The following ARHGEF18 variants were observed in gnomAD, a reference collection of about 807,000 sequenced individuals.
ARHGEF18 encodes the protein rho guanine nucleotide exchange factor 18.
ARHGEF18 carries 93 observed loss-of-function variants against 155.7 expected under a neutral mutation model. The ratio of observed to expected loss-of-function variants is 0.60; its 90% CI spans 0.50 to 0.71. The LOEUF (loss-of-function observed/expected upper bound fraction) is 0.71. Ranked by LOEUF, ARHGEF18 falls within the 30% of genes least tolerant of loss-of-function variation. The pLI, the probability that ARHGEF18 is intolerant of heterozygous loss-of-function variation, is 0.00. For missense variants in ARHGEF18, 1,593 were observed against 1,816.1 expected (o/e 0.88, Z 2.23); for synonymous variants, 742 against 753.1 (o/e 0.99, Z 0.24).
At chr19:7,370,913 T>TC (rs1317016455) in intron 2 of ARHGEF18, among the ~76,000 whole-genome samples, 3 of 145,296 alleles carry the variant, frequency 2.1e-5, no homozygotes, top group African/African-American at 8.5e-5. Context: ...TTTTTTTTTC[T>TC]TTCTTTCTTT....
chr19:7,450,104 C>T (rs887443001), intron 15 of ARHGEF18, among the ~76,000 whole-genome samples: 3 of 148,980 alleles, frequency 2.0e-5, no homozygotes, highest in South Asian at 2.2e-4. Flanking sequence ...CCTTGGCAGC[C>T]GATTGTTGAC....
intron 13 of ARHGEF18, among the ~76,000 whole-genome samples, chr19:7,443,424 C>T (rs563867899): frequency 3.2e-4 from 49 of 152,198 alleles, no homozygotes; most frequent in Middle Eastern, 6.8e-3. Flanking sequence ...TAGTCTCGAA[C>T]TCCTGACCTC....
At chr19:7,432,496 G>A (rs1974023897) in intron 10 of ARHGEF18, among the ~76,000 whole-genome samples, 1 of 152,188 alleles carries the variant, frequency 6.6e-6, no homozygotes, top group African/African-American at 2.4e-5. Context: ...TTTGTTCAGA[G>A]ACAGGGTCTC....
chr19:7,411,092 C>T (rs1371957794), intron 10 of ARHGEF18, among the ~76,000 whole-genome samples: 1 of 151,942 alleles, frequency 6.6e-6, no homozygotes, highest in Non-Finnish European at 1.5e-5. Context: ...GAAATTTGCA[C>T]AAAAGGAAGC....
At chr19:7,459,487 T>C (rs958484164) in intron 19 of ARHGEF18, among the ~76,000 whole-genome samples, 3 of 152,214 alleles carry the variant, frequency 2.0e-5, no homozygotes, top group Non-Finnish European at 2.9e-5. Flanking sequence ...CCCAAAGTGT[T>C]GGGATTACAG....
At chr19:7,399,041 G>T (rs573907311) in intron 10 of ARHGEF18, among the ~76,000 whole-genome samples, 3 of 152,264 alleles carry the variant, frequency 2.0e-5, no homozygotes, top group African/African-American at 4.8e-5. Context: ...AAACATTTTT[G>T]CTGCCACCTC....
In ARHGEF18 at chr19:7,440,010, G is replaced by C; in HGVS notation, c.968-334G>C. The stretch of plus-strand genomic sequence containing the variant: ...TTCAGCCAATACAGCAAGGGAAGAC[G>C]CAGCTCTGTTTTCTAGAAGGATCCC... On this transcript the variant is annotated intron_variant, in intron 10 of 28. Coordinates refer to ENST00000668164, the MANE Select transcript of ARHGEF18 (RefSeq NM_001367823.1). The surrounding 1 kb of genome is among the most constrained non-coding windows in gnomAD (Gnocchi z 5.4). 5 of 1,550,442 alleles carry C rather than the reference G, an allele frequency of 3.2e-6. No individual in the cohort carries two copies. Among genetic ancestry groups the C allele is most frequent in the Non-Finnish European group, 4.4e-6 (5 of 1,146,698 alleles).
chr19:7,380,208 G>A (rs1970658402), intron 7 of ARHGEF18, among the ~76,000 whole-genome samples: 1 of 151,930 alleles, frequency 6.6e-6, no homozygotes, highest in African/African-American at 2.4e-5. Context: ...GCTGGGCGCA[G>A]TGGCTCACAC....
At chr19:7,403,016 T>C (rs1972099695) in intron 10 of ARHGEF18, among the ~76,000 whole-genome samples, 2 of 152,130 alleles carry the variant, frequency 1.3e-5, no homozygotes, top group Non-Finnish European at 2.9e-5. Context: ...TTCAATGTGT[T>C]TGTTTTGTCT....
chr19:7,464,642 G>A lies in ARHGEF18; in HGVS notation c.2856G>A (p.Lys952=), dbSNP rs1976503671. The part of the protein sequence containing the change: ...WRGPPNSPDL[K]LSDSDIPGSS... ...GCCCCCCAAACAGCCCGGACTTGAA[G>A]CTCAGTGACAGTGACATTCCTGGGA... The change falls in exon 23 of 29, where the codon AAG becomes AAA. Residue 952 remains lysine, a synonymous_variant. Coordinates refer to ENST00000668164, the MANE Select transcript of ARHGEF18 (RefSeq NM_001367823.1). 1 of 1,614,046 alleles carries A rather than the reference G, an allele frequency of 6.2e-7. No individual in the cohort carries two copies. The highest frequency in any genetic ancestry group is 1.1e-5 in the South Asian group (1 of 91,076).
Position 7,463,123 on chromosome 19 carries a change from C to T in ARHGEF18, c.2636-695C>T, listed in dbSNP as rs900706377. The stretch of plus-strand genomic sequence containing the variant: ...TGCTGGGATTATAGGCGTGAGCCAC[C>T]GCGCCCTGCCTCAATCTGCTCTTTC... On this transcript the variant is annotated intron_variant, in intron 21 of 28. Coordinates refer to ENST00000668164, the MANE Select transcript of ARHGEF18 (RefSeq NM_001367823.1). The surrounding 1 kb of genome is among the most constrained non-coding windows in gnomAD (Gnocchi z 5.2). 1.2e-4 allele frequency among the ~76,000 whole-genome samples: 19 copies of T among 152,124 alleles called. No homozygotes were observed. The highest frequency in any genetic ancestry group is 5.9e-4 in the Admixed American group (9 of 15,268).
intron 10 of ARHGEF18, among the ~76,000 whole-genome samples, chr19:7,415,402 C>T (rs1314445558): frequency 1.3e-5 from 2 of 151,806 alleles, no homozygotes; most frequent in South Asian, 2.1e-4. Flanking sequence ...ACCCTGCCCT[C>T]GAGGTCCCGG....
intron 13 of ARHGEF18, among the ~76,000 whole-genome samples, chr19:7,442,796 C>T (rs1028148386): frequency 2.0e-5 from 3 of 152,204 alleles, no homozygotes; most frequent in Admixed American, 6.6e-5. Context: ...ACCAAGGCGG[C>T]GGCAGACTTA....
intron 2 of ARHGEF18, among the ~76,000 whole-genome samples, chr19:7,364,164 G>A (rs369352741): frequency 6.6e-6 from 1 of 151,112 alleles, no homozygotes; most frequent in African/African-American, 2.4e-5. Context: ...GATGGATAAC[G>A]GATGGGTGAA....
At position 7,395,273 on chromosome 19, in the gene ARHGEF18, G is replaced by C. The variant is rs1204269660; in HGVS notation, c.967+12070G>C. On this transcript the variant is annotated intron_variant, in intron 10 of 28. Transcript: ENST00000668164. The surrounding 1 kb of genome is among the most constrained non-coding windows in gnomAD (Gnocchi z 5.0). ...GTGAGGACGGCGGCGGGGCGGTCCC[G>C]AGGAAAACGGGGCTCAGGAGGGGGC... The C allele has an allele frequency of 2.0e-6, 2 of 985,910 alleles. No homozygotes were observed. Among genetic ancestry groups the C allele is most frequent in the African/African-American group, 1.7e-5 (1 of 57,328 alleles). 61.1% of individuals were successfully genotyped at this position (985,910 alleles called of 1,614,324 possible). A position where few individuals can be genotyped will look rare whatever the true frequency, so the allele number is the denominator to read the frequency against.
intron 16 of ARHGEF18, 118 bp downstream of exon 16, chr19:7,451,384 C>G: frequency 1.1e-5 from 8 of 698,414 alleles, no homozygotes; most frequent in South Asian, 4.0e-5. Flanking sequence ...ATCCAGTTTG[C>G]TGGGTGCTGG....
chr19:7,454,920 G>A (rs920156464), intron 17 of ARHGEF18, among the ~76,000 whole-genome samples: 2 of 152,092 alleles, frequency 1.3e-5, no homozygotes, highest in Non-Finnish European at 2.9e-5. Context: ...CCCCAGGACT[G>A]CTGATCAGCA....
At chr19:7,425,352 A>G (rs1161263252) in intron 10 of ARHGEF18, among the ~76,000 whole-genome samples, 8 of 152,122 alleles carry the variant, frequency 5.3e-5, no homozygotes, top group Admixed American at 6.6e-5. Flanking sequence ...GTCTCCCCCT[A>G]CTTCCCCACA....
intron 8 of ARHGEF18, among the ~76,000 whole-genome samples, chr19:7,381,743 G>A (rs1329118059): frequency 6.6e-6 from 1 of 150,634 alleles, no homozygotes; most frequent in East Asian, 1.9e-4. Flanking sequence ...AGAGCAGTGG[G>A]GCCTTTGAGC....
Sources: gnomAD v4.1 joint callset for allele counts (sites outside exome capture counted in the v4.1 genomes callset) on GRCh38, gnomAD v4.1.1 for gene constraint, Gnocchi (gnomAD v3.1) non-coding constraint, MANE v1.5 for transcripts, NCBI Gene and HGNC (gene_info 2026-07-23, HGNC 2026-07-21) for gene names.